KIF9: variants seen among roughly 807,000 people sequenced by gnomAD.
KIF9 encodes the protein kinesin-like protein KIF9.
A neutral mutation model predicts 94.8 loss-of-function variants in KIF9; 68 were observed. That is an observed-to-expected ratio of 0.72 (90% CI 0.59 to 0.88). The LOEUF (loss-of-function observed/expected upper bound fraction) is 0.88. Ranked by LOEUF, KIF9 falls within the 40% of genes least tolerant of loss-of-function variation. The probability of loss-of-function intolerance (pLI) is 0.00; values close to 1 mark genes in which losing one functional copy is unlikely to be tolerated. For missense variants in KIF9, 882 were observed against 982.5 expected (o/e 0.90, Z 1.37); for synonymous variants, 343 against 362.1 (o/e 0.95, Z 0.60).
intron 9 of KIF9, among the ~76,000 whole-genome samples, chr3:47,263,417 C>T (rs1701103963): frequency 6.6e-6 from 1 of 152,184 alleles, no homozygotes; most frequent in Non-Finnish European, 1.5e-5. Context: ...CTCCCCTACT[C>T]AAACCCTGTG....
rs970088975 is a variant in KIF9 at position 47,257,626 on chromosome 3, T to A, written c.982-66A>T. The A allele has an allele frequency of 6.3e-6, 9 of 1,421,192 alleles. No homozygotes were observed. In the African/African-American group the frequency reaches 1.1e-4, roughly 18 times the overall value. 88.0% of individuals were successfully genotyped at this position (1,421,192 alleles called of 1,614,324 possible). ...AAAGTGAGACCCCAAGAGACCGGCC[T>A]TCTCAGAGACCTTGCCTGCCCTTTC... is the stretch of plus-strand genomic sequence containing the variant. On this transcript the variant is annotated intron_variant, in intron 9 of 20. Transcript: ENST00000684063.
intron 10 of KIF9, among the ~76,000 whole-genome samples, chr3:47,253,359 T>C (rs1420073636): frequency 6.6e-6 from 1 of 152,132 alleles, no homozygotes; most frequent in East Asian, 1.9e-4. Flanking sequence ...GTTCTCCATG[T>C]TGTCCAGGCT....
chr3:47,264,461 G>C, intron 8 of KIF9, 111 bp from the exon 9 acceptor site: 1 of 804,632 alleles, frequency 1.2e-6, no homozygotes, highest in Non-Finnish European at 2.1e-6. Context: ...TTTTGAAACA[G>C]GGTCTCACTA....
Position 47,228,550 on chromosome 3 carries a change from T to G in KIF9, c.*102A>C. 1.1e-6 allele frequency: 1 copy of G among 948,688 alleles called. No individual in the cohort carries two copies. Among genetic ancestry groups the G allele is most frequent in the Non-Finnish European group, 1.7e-6 (1 of 578,702 alleles). 58.8% of individuals were successfully genotyped at this position (948,688 alleles called of 1,614,324 possible). ...GTGTTCTCTGTGCTGGGTCCCAGCATTGGAGTAGAGGGGGCTGCAGCTCTG... is the reference window on the plus strand; with the variant it reads ...GTGTTCTCTGTGCTGGGTCCCAGCAGTGGAGTAGAGGGGGCTGCAGCTCTG... On this transcript the variant is annotated 3_prime_UTR_variant, in exon 21 of 21. Transcript: ENST00000684063.
At chr3:47,246,390 G>T in intron 12 of KIF9, 138 bp from the exon 13 acceptor site, 2 of 497,094 alleles carry the variant, frequency 4.0e-6, no homozygotes, top group Non-Finnish European at 3.5e-6. Flanking sequence ...TGTGCACACA[G>T]CCTCTCAGCG....
chr3:47,253,329 C>A (rs925606893), intron 10 of KIF9, among the ~76,000 whole-genome samples: 6 of 151,920 alleles, frequency 3.9e-5, no homozygotes, highest in Non-Finnish European at 7.4e-5. Context: ...CTAATTTTTA[C>A]ATTTTTTAGT....
chr3:47,234,586 G>A (rs1005285174), intron 20 of KIF9, among the ~76,000 whole-genome samples: 1 of 144,680 alleles, frequency 6.9e-6, no homozygotes. Flanking sequence ...ATAGAGTTTC[G>A]CTTTATTGCA....
chr3:47,282,563 G>C lies in KIF9; in HGVS notation c.-74C>G. 1 of 1,024,418 alleles carries C rather than the reference G, an allele frequency of 9.8e-7. No homozygotes were observed. The highest frequency in any genetic ancestry group is 1.2e-6 in the Non-Finnish European group (1 of 852,498). The allele number at this position is 1,024,418 out of a possible 1,614,324, so 63.5% of individuals were successfully genotyped here. A position where few individuals can be genotyped will look rare whatever the true frequency, so the allele number is the denominator to read the frequency against. ...CGAAACCACCTGCACTCCCCACGCG[G>C]GGCTGCCTGGCTGTGTACATAGTCG... is the stretch of plus-strand genomic sequence containing the variant. On this transcript the variant is annotated 5_prime_UTR_variant, in exon 1 of 21. Coordinates refer to ENST00000684063, the MANE Select transcript of KIF9 (RefSeq NM_182902.4).
In KIF9 at chr3:47,240,845, G is replaced by A. The variant is rs114118496; in HGVS notation, c.1880C>T (p.Thr627Ile). 6.2e-7 allele frequency: 1 copy of A among 1,614,018 alleles called. No individual in the cohort carries two copies. Among genetic ancestry groups the A allele is most frequent in the African/African-American group, 1.3e-5 (1 of 74,980 alleles). Residue 627 changes from threonine (T) to isoleucine (I), a missense_variant, in exon 17 of 21, where the codon ACC becomes ATC. Coordinates refer to ENST00000684063, the MANE Select transcript of KIF9 (RefSeq NM_182902.4). ...INAIKREIDV[T>I]KEALNFQKSL... The stretch of plus-strand genomic sequence containing the variant: ...CTTCTGGAAATTCAGGGCCTCCTTG[G>A]TCACATCAATCTCCCGCTTGATGGC...
At chr3:47,239,765 A>C in intron 17 of KIF9, 1 of 1,347,532 alleles carries the variant, frequency 7.4e-7, no homozygotes, top group South Asian at 1.2e-5. Flanking sequence ...TCTGAGAAAT[A>C]AATGAGTAAA....
chr3:47,241,603 T>A (rs967191888), intron 16 of KIF9, among the ~76,000 whole-genome samples: 5 of 151,472 alleles, frequency 3.3e-5, no homozygotes, highest in African/African-American at 4.8e-5. Context: ...ATTACAGGCA[T>A]GAGCCACTGT....
At chr3:47,241,882 A>ATTT (rs1256187442) in intron 16 of KIF9, among the ~76,000 whole-genome samples, 15 of 97,292 alleles carry the variant, frequency 1.5e-4, no homozygotes, top group African/African-American at 6.5e-4. Flanking sequence ...ATATATATAT[A>ATTT]TATTTTTTTT....
intron 17 of KIF9, among the ~76,000 whole-genome samples, chr3:47,238,233 GATTT>G (rs1481946655): frequency 6.6e-6 from 1 of 152,096 alleles, no homozygotes; most frequent in Non-Finnish European, 1.5e-5. Flanking sequence ...TTGATTGATT[GATTT>G]GACAGGGCCT....
intron 10 of KIF9, among the ~76,000 whole-genome samples, chr3:47,256,670 T>C (rs989403971): frequency 3.9e-5 from 6 of 152,156 alleles, no homozygotes; most frequent in African/African-American, 1.4e-4. Flanking sequence ...GAACGGGCCA[T>C]GATGACAGTG....
At chr3:47,275,525 T>A (rs759530448) in intron 2 of KIF9, 35 bp from the exon 3 acceptor site, 29 of 1,553,254 alleles carry the variant, frequency 1.9e-5, no homozygotes, top group Admixed American at 1.1e-4. Flanking sequence ...AAAAATGTTA[T>A]TTGTTCAAAA....
At chr3:47,281,154 G>C (rs1021850191) in intron 1 of KIF9, 7 of 644,596 alleles carry the variant, frequency 1.1e-5, no homozygotes, top group Admixed American at 6.9e-5. Flanking sequence ...GGAAGTCAGA[G>C]GGCAGCTGAA....
chr3:47,246,139 G>T, intron 13 of KIF9, 58 bp downstream of exon 13: 2 of 1,491,756 alleles, frequency 1.3e-6, no homozygotes, highest in Non-Finnish European at 9.3e-7. Context: ...TGCCCAGATG[G>T]CAGGAGATGA....
At chr3:47,277,627 G>T (rs943833031) in intron 1 of KIF9, among the ~76,000 whole-genome samples, 4 of 152,106 alleles carry the variant, frequency 2.6e-5, no homozygotes, top group Non-Finnish European at 5.9e-5. Context: ...ACCCCAGAGA[G>T]ACTGAAATAC....
chr3:47,241,016 C>T lies in KIF9; in HGVS notation c.1710-1G>A. On this transcript the variant is annotated splice_acceptor_variant, in intron 16 of 20. Coordinates refer to ENST00000684063, the MANE Select transcript of KIF9 (RefSeq NM_182902.4). LOFTEE classifies it high-confidence loss of function. ...TGGTTTGGAGGGTGGGGTGTCGGGC[C>T]TTGAGATGAAAAGGTGAGACCAAAG... The T allele has an allele frequency of 6.2e-7, 1 of 1,614,006 alleles. No homozygotes were observed. The highest frequency in any genetic ancestry group is 1.7e-4 in the Middle Eastern group (1 of 6,060).
Sources: gnomAD v4.1 joint callset for allele counts (sites outside exome capture counted in the v4.1 genomes callset) on GRCh38, gnomAD v4.1.1 for gene constraint, MANE v1.5 for transcripts, NCBI Gene and HGNC (gene_info 2026-07-23, HGNC 2026-07-21) for gene names.